TMC7: variants seen among roughly 807,000 people sequenced by gnomAD.
The protein encoded by TMC7 is transmembrane channel like 7.
A neutral mutation model predicts 82.9 loss-of-function variants in TMC7; 54 were observed. The observed-to-expected ratio is 0.65, with a 90% CI of 0.52 to 0.82. The LOEUF is 0.82. Among genes scored for constraint, TMC7 ranks in the 40% least tolerant of loss-of-function variants. TMC7 has a pLI of 0.00. For missense variants in TMC7, 820 were observed against 901.2 expected, an observed-to-expected ratio of 0.91 and a Z score of 1.15; for synonymous variants, 350 against 337.9, an observed-to-expected ratio of 1.04 and a Z score of -0.39.
chr16:19,039,581 G>A (rs1960915745), intron 8 of TMC7, among the ~76,000 whole-genome samples: 2 of 152,138 alleles, frequency 1.3e-5, no homozygotes, highest in Admixed American at 6.6e-5. Context: ...TAGCTACAAG[G>A]GAGGCTAGGA....
intron 8 of TMC7, among the ~76,000 whole-genome samples, chr16:19,039,034 G>A (rs926975755): frequency 4.6e-5 from 7 of 151,128 alleles, no homozygotes; most frequent in African/African-American, 1.7e-4. Flanking sequence ...TCCAGGTTCC[G>A]TTCATCTTGT....
intron 7 of TMC7, among the ~76,000 whole-genome samples, chr16:19,036,757 G>T (rs1198869888): frequency 6.6e-6 from 1 of 151,460 alleles, no homozygotes; most frequent in African/African-American, 2.4e-5. Context: ...AATAAGGAGA[G>T]AAAGGAGTAA....
At chr16:18,999,744 T>C (rs1320513224) in intron 1 of TMC7, among the ~76,000 whole-genome samples, 4 of 145,326 alleles carry the variant, frequency 2.8e-5, no homozygotes, top group African/African-American at 1.0e-4. Flanking sequence ...TCAACTAGAG[T>C]CTGGGGACGT....
rs572712231 is a variant in TMC7, at chr16:18,997,792, C to T, written c.68-11380C>T. ...TCGCCCAGGCTGGAGTGCAGTGGTA[C>T]GATCTCGGCTCACTGCAAGCTCCGC... On this transcript the variant is annotated intron_variant, in intron 1 of 15. Transcript: ENST00000304381. Among the ~76,000 whole-genome samples, 10 of 144,490 alleles carry T rather than the reference C, an allele frequency of 6.9e-5. No homozygotes were observed. The East Asian group carries it at 1.7e-3, about 25-fold the overall frequency. The allele number at this position is 144,490 out of a possible 152,430, so 94.8% of individuals were successfully genotyped here. A position where few individuals can be genotyped will look rare whatever the true frequency, so the allele number is the denominator to read the frequency against.
At chr16:19,058,738 C>T (rs562211053) in intron 14 of TMC7, among the ~76,000 whole-genome samples, 52 of 152,156 alleles carry the variant, frequency 3.4e-4, no homozygotes, top group African/African-American at 1.2e-3. Flanking sequence ...CAGGGTCTGG[C>T]TCTGTTGCCC....
intron 1 of TMC7, among the ~76,000 whole-genome samples, chr16:19,005,878 T>G (rs1165436152): frequency 6.6e-6 from 1 of 151,788 alleles, no homozygotes; most frequent in African/African-American, 2.4e-5. Context: ...GGTAGAAGGG[T>G]GGGTGAGGCT....
chr16:19,035,793 G>A lies in TMC7; in HGVS notation c.975G>A (p.Leu325=), dbSNP rs1960719200. ...TCACTAACCGCAGCATGGCGGATCT[G>A]AAGCACAGCAGCTTGCGGTACGAGC... ...FCITNRSMAD[L]KHSSLRYELR... The change falls in exon 7 of 16, where the codon CTG becomes CTA. Residue 325 remains leucine (L), a synonymous_variant. Transcript: ENST00000304381. 1 of 1,606,594 alleles carries A rather than the reference G, an allele frequency of 6.2e-7. No homozygotes were observed. The highest frequency in any genetic ancestry group is 8.5e-7 in the Non-Finnish European group (1 of 1,176,168).
intron 3 of TMC7, among the ~76,000 whole-genome samples, chr16:19,018,618 T>C (rs1596749527): frequency 6.6e-6 from 1 of 152,064 alleles, no homozygotes; most frequent in East Asian, 1.9e-4. Flanking sequence ...CCATAGCAAG[T>C]ATGCAAAAAT....
intron 3 of TMC7, among the ~76,000 whole-genome samples, chr16:19,017,800 A>G (rs2142199623): frequency 6.6e-6 from 1 of 151,236 alleles, no homozygotes; most frequent in East Asian, 2.0e-4. Context: ...CCTCCCGAGT[A>G]GCTGGGACTA....
Position 19,030,315 on chromosome 16 carries a change from ATTTG to A in TMC7, c.806_809del (p.Leu269Ter). ...TTCACCTATGATCTGCCCCTGGCGTATTTGTTAAGCACAATCGCCTCCCTGGCCC... is the reference window on the plus strand; with the variant it reads ...TTCACCTATGATCTGCCCCTGGCGTATTAAGCACAATCGCCTCCCTGGCCC... On this transcript the variant is annotated frameshift_variant, in exon 6 of 16. Transcript: ENST00000304381. LOFTEE classifies it high-confidence loss of function. The A allele has an allele frequency of 6.2e-7, 1 of 1,613,708 alleles. No homozygotes were observed. The highest frequency in any genetic ancestry group is 8.5e-7 in the Non-Finnish European group (1 of 1,179,910).
chr16:19,059,499 G>A lies in TMC7; in HGVS notation c.2106+5G>A, dbSNP rs1369328791. 6.2e-7 allele frequency: 1 copy of A among 1,614,144 alleles called. No homozygotes were observed. The highest frequency in any genetic ancestry group is 2.2e-5 in the East Asian group (1 of 44,882). ...CTCCGAGAGCAGCTATCCCTGGTAA[G>A]GAAGCATAGCTCCAGAGGGTCATGG... On this transcript the variant is annotated splice_donor_5th_base_variant and intron_variant, in intron 15 of 15. Transcript: ENST00000304381.
chr16:19,022,894 C>T (rs971035174), intron 4 of TMC7, among the ~76,000 whole-genome samples: 5 of 152,088 alleles, frequency 3.3e-5, no homozygotes, highest in Admixed American at 2.6e-4. Flanking sequence ...GTGGTGAATG[C>T]CTATGATCCC....
chr16:18,997,631 A>C (rs973312060), intron 1 of TMC7, among the ~76,000 whole-genome samples: 1 of 151,910 alleles, frequency 6.6e-6, no homozygotes, highest in Non-Finnish European at 1.5e-5. Context: ...CTGGCCTCCA[A>C]AGTGCTGGGA....
intron 5 of TMC7, among the ~76,000 whole-genome samples, chr16:19,025,493 C>T (rs1166957180): frequency 3.3e-5 from 5 of 152,098 alleles, no homozygotes; most frequent in African/African-American, 9.6e-5. Flanking sequence ...GTGGCGGGTG[C>T]CTGTAATCCC....
intron 15 of TMC7, among the ~76,000 whole-genome samples, chr16:19,060,613 G>T (rs1961960465): frequency 6.6e-6 from 1 of 152,094 alleles, no homozygotes; most frequent in Admixed American, 6.6e-5. Flanking sequence ...AGGCACTTCA[G>T]GGGGACAGGA....
Position 19,053,962 on chromosome 16 carries a change from C to T in TMC7, c.1871+2146C>T, listed in dbSNP as rs1354847111. Among the ~76,000 whole-genome samples, 7 of 151,768 alleles carry T rather than the reference C, an allele frequency of 4.6e-5. No individual in the cohort carries two copies. The South Asian group carries it at 8.3e-4, about 18-fold the overall frequency. ...CCTCTCAAAGCACTGGGATTACAGG[C>T]GTGAGCCACCGTGACTGGCCACTTT... is the stretch of plus-strand genomic sequence containing the variant. On this transcript the variant is annotated intron_variant, in intron 13 of 15. Transcript: ENST00000304381.
intron 6 of TMC7, among the ~76,000 whole-genome samples, chr16:19,030,903 C>A (rs112983983): frequency 0.014 from 2,162 of 152,176 alleles, 43 homozygotes; most frequent in African/African-American, 0.047. Flanking sequence ...TTACTGAACA[C>A]ATCTGGCAAT....
chr16:19,021,966 G>A (rs1567513898), intron 4 of TMC7, among the ~76,000 whole-genome samples, 170 bp downstream of exon 4: 1 of 152,170 alleles, frequency 6.6e-6, no homozygotes, highest in Non-Finnish European at 1.5e-5. Flanking sequence ...TCATGCTGCT[G>A]TGGAATAACA....
intron 3 of TMC7, 114 bp from the exon 4 acceptor site, chr16:19,021,515 C>T (rs1959974225): frequency 1.0e-5 from 12 of 1,154,748 alleles, no homozygotes; most frequent in Middle Eastern, 2.1e-4. Context: ...TAAAACGTTT[C>T]TTCCTCCTTC....
Sources: gnomAD v4.1 joint callset for allele counts (sites outside exome capture counted in the v4.1 genomes callset) on GRCh38, gnomAD v4.1.1 for gene constraint, MANE v1.5 for transcripts, NCBI Gene and HGNC (gene_info 2026-07-23, HGNC 2026-07-21) for gene names.